Variants in ETV6 observed in about 807,000 individuals in gnomAD.
ETV6 encodes the protein transcription factor ETV6.
In ETV6, 16 loss-of-function variants were observed where a neutral mutation model predicts 51.1. The ratio of observed to expected loss-of-function variants is 0.31; its 90% CI spans 0.21 to 0.48. The LOEUF is 0.48. Ranked by LOEUF, ETV6 falls within the 20% of genes least tolerant of loss-of-function variation. The probability of loss-of-function intolerance (pLI) is 0.99; values close to 1 mark genes in which losing one functional copy is unlikely to be tolerated. For synonymous variants in ETV6, 240 were observed against 224.1 expected (o/e 1.07, Z -0.64); for missense variants, 458 against 594.8 (o/e 0.77, Z 2.39).
rs1947323236 is a variant in ETV6, at chr12:11,893,272, A to G, written c.*2226A>G. The G allele has an allele frequency of 4.3e-6, 1 of 232,644 alleles. No homozygotes were observed. The highest frequency in any genetic ancestry group is 1.2e-3 in the Middle Eastern group (1 of 808). The allele number at this position is 232,644 out of a possible 1,614,324, so 14.4% of individuals were successfully genotyped here. Reference sequence around the variant, plus strand: ...TCCCTCTGTATGAATATGAAATCAGAGACCAGGGCATGATGTTGCTAGGAT... The same window carrying G: ...TCCCTCTGTATGAATATGAAATCAGGGACCAGGGCATGATGTTGCTAGGAT... On this transcript the variant is annotated 3_prime_UTR_variant, in exon 8 of 8. Transcript: ENST00000396373.
At chr12:11,857,441 G>T (rs775395097) in intron 4 of ETV6, among the ~76,000 whole-genome samples, 1 of 152,142 alleles carries the variant, frequency 6.6e-6, no homozygotes, top group Non-Finnish European at 1.5e-5. Flanking sequence ...TCACATCATG[G>T]CTTGAGCAAA....
chr12:11,730,072 C>T (rs1865565007), intron 1 of ETV6, among the ~76,000 whole-genome samples: 2 of 152,102 alleles, frequency 1.3e-5, no homozygotes, highest in Non-Finnish European at 2.9e-5. Flanking sequence ...TTGCTGCCAG[C>T]GTCGAGGGGT....
intron 2 of ETV6, among the ~76,000 whole-genome samples, chr12:11,766,643 C>T (rs552008324): frequency 6.6e-6 from 1 of 152,298 alleles, no homozygotes; most frequent in South Asian, 2.1e-4. Flanking sequence ...TTTGCCCATC[C>T]CTGACCTGCG....
At chr12:11,675,774 A>G (rs756287862) in intron 1 of ETV6, among the ~76,000 whole-genome samples, 1 of 152,118 alleles carries the variant, frequency 6.6e-6, no homozygotes, top group Non-Finnish European at 1.5e-5. Context: ...TGATCATGCC[A>G]CTGTACTTCA....
chr12:11,829,412 C>T (rs755674636), intron 2 of ETV6, among the ~76,000 whole-genome samples: 3 of 152,148 alleles, frequency 2.0e-5, no homozygotes, highest in Non-Finnish European at 2.9e-5. Flanking sequence ...CAGATTCAGA[C>T]GCGTAACTAA....
intron 2 of ETV6, among the ~76,000 whole-genome samples, chr12:11,837,398 A>G (rs2710306): frequency 0.56 from 85,215 of 151,924 alleles, 25,401 homozygotes; most frequent in African/African-American, 0.76. Context: ...ACAAAAAAGG[A>G]ATTTTGGTTT....
At chr12:11,683,103 G>C (rs1233872253) in intron 1 of ETV6, among the ~76,000 whole-genome samples, 2 of 152,338 alleles carry the variant, frequency 1.3e-5, no homozygotes, top group East Asian at 1.9e-4. Flanking sequence ...GCCCAGGCTT[G>C]AATGCAGTGG....
intron 2 of ETV6, among the ~76,000 whole-genome samples, chr12:11,827,131 TTAAA>T (rs1446470779): frequency 6.7e-6 from 1 of 148,204 alleles, no homozygotes; most frequent in African/African-American, 2.5e-5. Flanking sequence ...ACAATTATCT[TTAAA>T]TAGAAGTTGC....
At chr12:11,828,426 G>C (rs954602575) in intron 2 of ETV6, among the ~76,000 whole-genome samples, 3 of 152,170 alleles carry the variant, frequency 2.0e-5, no homozygotes, top group Non-Finnish European at 4.4e-5. Flanking sequence ...AGTGAGAAGA[G>C]GGCACCCTTC....
intron 1 of ETV6, among the ~76,000 whole-genome samples, chr12:11,693,205 G>A (rs538963453): frequency 2.0e-5 from 3 of 152,222 alleles, no homozygotes; most frequent in East Asian, 1.9e-4. Context: ...CACATGGGGC[G>A]GACGATTTCA....
At chr12:11,661,831 G>A (rs973422788) in intron 1 of ETV6, among the ~76,000 whole-genome samples, 2 of 152,184 alleles carry the variant, frequency 1.3e-5, no homozygotes. Flanking sequence ...CTTGTGTCTG[G>A]CAGGGCTGTG....
intron 1 of ETV6, among the ~76,000 whole-genome samples, chr12:11,707,320 G>A (rs986117305): frequency 6.6e-6 from 1 of 152,244 alleles, no homozygotes; most frequent in Non-Finnish European, 1.5e-5. Flanking sequence ...GCTGTGGCAG[G>A]CAGGCTCACC....
At chr12:11,812,854 A>G (rs1945934447) in intron 2 of ETV6, among the ~76,000 whole-genome samples, 1 of 152,206 alleles carries the variant, frequency 6.6e-6, no homozygotes, top group Non-Finnish European at 1.5e-5. Flanking sequence ...ACAAGGGGAA[A>G]TAGAAATCAG....
chr12:11,878,772 T>C (rs1038775588), intron 5 of ETV6, among the ~76,000 whole-genome samples: 1 of 150,144 alleles, frequency 6.7e-6, no homozygotes, highest in Admixed American at 6.7e-5. Context: ...CTGCACTGGA[T>C]TGACCAACTT....
chr12:11,801,724 G>A (rs1244702118), intron 2 of ETV6, among the ~76,000 whole-genome samples: 3 of 152,144 alleles, frequency 2.0e-5, no homozygotes, highest in Non-Finnish European at 4.4e-5. Context: ...CAGATATGAC[G>A]AATCAAACTC....
chr12:11,733,086 G>A (rs149823805), intron 1 of ETV6, among the ~76,000 whole-genome samples: 115 of 152,222 alleles, frequency 7.6e-4, no homozygotes, highest in Admixed American at 6.3e-3. Context: ...TATGTGTCTG[G>A]CACATGGAAG....
rs75373755 is a variant in ETV6 at position 11,870,846 on chromosome 12, A to G, written c.1009+877A>G. On this transcript the variant is annotated intron_variant, in intron 5 of 7. Transcript: ENST00000396373. ...TATAAGGCAGAATGAAGTCAGCCCCATTTCCCATTCATTTTATGTACCAGC... is the reference window on the plus strand; with the variant it reads ...TATAAGGCAGAATGAAGTCAGCCCCGTTTCCCATTCATTTTATGTACCAGC... Among the ~76,000 whole-genome samples the G allele has an allele frequency of 6.8e-3, 1,036 of 152,288 alleles. 9 individuals carry two copies. Among genetic ancestry groups the G allele is most frequent in the African/African-American group, 0.023 (967 of 41,576 alleles).
intron 1 of ETV6, among the ~76,000 whole-genome samples, chr12:11,714,378 A>G (rs1439806665): frequency 6.6e-6 from 1 of 152,204 alleles, no homozygotes; most frequent in Non-Finnish European, 1.5e-5. Context: ...AGTTCTCTGC[A>G]CTTTCCAAAG....
At chr12:11,797,676 C>T (rs1366817273) in intron 2 of ETV6, among the ~76,000 whole-genome samples, 3 of 152,102 alleles carry the variant, frequency 2.0e-5, no homozygotes, top group Non-Finnish European at 2.9e-5. Flanking sequence ...GGCCTGGTCC[C>T]GGAGTCTGGG....
Sources: gnomAD v4.1 joint callset for allele counts (sites outside exome capture counted in the v4.1 genomes callset) on GRCh38, gnomAD v4.1.1 for gene constraint, MANE v1.5 for transcripts, NCBI Gene and HGNC (gene_info 2026-07-23, HGNC 2026-07-21) for gene names.